The following DPY19L1 variants were observed in gnomAD, a reference collection of about 807,000 sequenced individuals.
The protein encoded by DPY19L1 is protein C-mannosyl-transferase DPY19L1.
DPY19L1 carries 35 observed loss-of-function variants against 96.9 expected under a neutral mutation model. The observed-to-expected ratio is 0.36, with a 90% CI of 0.28 to 0.48. The LOEUF (loss-of-function observed/expected upper bound fraction) is 0.48, where lower values mean the gene tolerates loss of function less well. Ranked by LOEUF, DPY19L1 falls within the 20% of genes least tolerant of loss-of-function variation. The pLI, the probability that DPY19L1 is intolerant of heterozygous loss-of-function variation, is 0.99. For missense variants in DPY19L1, 521 were observed against 777.9 expected, an observed-to-expected ratio of 0.67 and a Z score of 3.93; for synonymous variants, 205 against 252.6, an observed-to-expected ratio of 0.81 and a Z score of 1.79.
At chr7:35,025,916 T>C (rs935936182) in intron 1 of DPY19L1, among the ~76,000 whole-genome samples, 4 of 152,188 alleles carry the variant, frequency 2.6e-5, no homozygotes, top group African/African-American at 9.7e-5. Flanking sequence ...AGCACTGACA[T>C]TGGTCAACAG....
intron 20 of DPY19L1, chr7:34,939,032 T>C (rs1783934212): frequency 5.3e-6 from 2 of 375,494 alleles, no homozygotes; most frequent in Non-Finnish European, 4.7e-6. Context: ...AGTGCTATAG[T>C]ATGACTTCGT....
At chr7:34,943,243 CA>C (rs1191754122) in intron 16 of DPY19L1, among the ~76,000 whole-genome samples, 1 of 152,190 alleles carries the variant, frequency 6.6e-6, no homozygotes, top group African/African-American at 2.4e-5. Flanking sequence ...TTAGCAAACT[CA>C]GGACACATAA....
chr7:35,022,658 AGCAC>A (rs1267844001), intron 1 of DPY19L1, among the ~76,000 whole-genome samples: 1 of 152,236 alleles, frequency 6.6e-6, no homozygotes, highest in Non-Finnish European at 1.5e-5. Flanking sequence ...CACAAAGCTG[AGCAC>A]GCTCAAGTGT....
At chr7:34,973,718 T>C (rs1292662323) in intron 7 of DPY19L1, 113 bp from the exon 8 acceptor site, 1 of 520,580 alleles carries the variant, frequency 1.9e-6, no homozygotes, top group Non-Finnish European at 3.0e-6. Context: ...AAACGGTGTG[T>C]TGTAAAACAA....
At chr7:34,990,909 T>C (rs1445660636) in intron 6 of DPY19L1, among the ~76,000 whole-genome samples, 1 of 152,170 alleles carries the variant, frequency 6.6e-6, no homozygotes, top group African/African-American at 2.4e-5. Context: ...CCAGATGGTA[T>C]AGGCATCAAA....
Position 34,931,314 on chromosome 7 carries a change from A to G in DPY19L1, c.*259T>C. 2 of 297,380 alleles carry G rather than the reference A, an allele frequency of 6.7e-6. No homozygotes were observed. The highest frequency in any genetic ancestry group is 6.0e-6 in the Non-Finnish European group (1 of 167,516). The allele number at this position is 297,380 out of a possible 1,614,324, so 18.4% of individuals were successfully genotyped here. On this transcript the variant is annotated 3_prime_UTR_variant, in exon 22 of 22. Coordinates refer to ENST00000638088, the MANE Select transcript of DPY19L1 (RefSeq NM_001366673.1). ...TTATACAGGTAGCTTTGCTCACTTT[A>G]GCACAAATATTAAAGTCAAGTACAA...
chr7:34,972,634 G>A (rs1464141647), intron 8 of DPY19L1, among the ~76,000 whole-genome samples: 1 of 152,178 alleles, frequency 6.6e-6, no homozygotes, highest in Admixed American at 6.5e-5. Flanking sequence ...AGATGTTTGA[G>A]AAGGGACCAT....
chr7:34,963,744 C>G (rs1784554033), intron 10 of DPY19L1, among the ~76,000 whole-genome samples: 1 of 151,770 alleles, frequency 6.6e-6, no homozygotes, highest in Non-Finnish European at 1.5e-5. Flanking sequence ...ACACCATGGA[C>G]TATTATTTAG....
At chr7:35,024,611 C>T (rs751666364) in intron 1 of DPY19L1, among the ~76,000 whole-genome samples, 1 of 152,158 alleles carries the variant, frequency 6.6e-6, no homozygotes, top group Non-Finnish European at 1.5e-5. Context: ...CAGTCAATCC[C>T]ACCACACACC....
intron 6 of DPY19L1, among the ~76,000 whole-genome samples, chr7:34,992,543 CTT>C (rs34687334): frequency 0.012 from 1,617 of 133,764 alleles, 25 homozygotes; most frequent in African/African-American, 0.04. Flanking sequence ...ACCTTCCTGC[CTT>C]TTTTTTTTTT....
At chr7:34,955,472 T>G in intron 11 of DPY19L1, 105 bp from the exon 12 acceptor site, 1 of 1,441,312 alleles carries the variant, frequency 6.9e-7, no homozygotes, top group South Asian at 1.3e-5. Flanking sequence ...TATCTAAAAT[T>G]TAGCACATGG....
chr7:35,017,129 AG>A (rs1785869661), intron 3 of DPY19L1, among the ~76,000 whole-genome samples: 1 of 152,178 alleles, frequency 6.6e-6, no homozygotes, highest in African/African-American at 2.4e-5. Flanking sequence ...GTTAAAACAA[AG>A]TCTTATCTTT....
At chr7:35,006,751 C>T (rs1218959368) in intron 6 of DPY19L1, among the ~76,000 whole-genome samples, 4 of 152,206 alleles carry the variant, frequency 2.6e-5, no homozygotes, top group African/African-American at 9.7e-5. Flanking sequence ...GCTTGGCAGC[C>T]TGGCTCCATT....
At chr7:34,953,505 G>A (rs1403884354) in intron 13 of DPY19L1, among the ~76,000 whole-genome samples, 1 of 152,058 alleles carries the variant, frequency 6.6e-6, no homozygotes, top group African/African-American at 2.4e-5. Context: ...CTCATCCTCA[G>A]AGCTGACTTC....
chr7:35,008,038 A>T (rs1480659456), intron 6 of DPY19L1, among the ~76,000 whole-genome samples: 1 of 151,982 alleles, frequency 6.6e-6, no homozygotes, highest in African/African-American at 2.4e-5. Flanking sequence ...TCTGCTTATT[A>T]CCTGCTTTCC....
At chr7:35,032,731 C>A (rs577555095) in intron 1 of DPY19L1, among the ~76,000 whole-genome samples, 29 of 152,246 alleles carry the variant, frequency 1.9e-4, no homozygotes, top group Non-Finnish European at 4.1e-4. Context: ...ATCCATACCC[C>A]TAGTCTTCAC....
At chr7:35,036,519 A>C (rs1786404566) in intron 1 of DPY19L1, among the ~76,000 whole-genome samples, 1 of 152,016 alleles carries the variant, frequency 6.6e-6, no homozygotes, top group African/African-American at 2.4e-5. Flanking sequence ...AGGGAGGATT[A>C]AGGCTCGGGC....
At chr7:34,942,203 G>A (rs1383707735) in intron 17 of DPY19L1, among the ~76,000 whole-genome samples, 2 of 152,204 alleles carry the variant, frequency 1.3e-5, no homozygotes, top group African/African-American at 4.8e-5. Context: ...AATGACTGCT[G>A]CCTCAAGATC....
At chr7:34,973,864 T>TA (rs1784779497) in intron 7 of DPY19L1, among the ~76,000 whole-genome samples, 1 of 152,092 alleles carries the variant, frequency 6.6e-6, no homozygotes, top group South Asian at 2.1e-4. Context: ...AAGATGCAAC[T>TA]ACATCTTAAA....
Sources: gnomAD v4.1 joint callset for allele counts (sites outside exome capture counted in the v4.1 genomes callset) on GRCh38, gnomAD v4.1.1 for gene constraint, MANE v1.5 for transcripts, NCBI Gene and HGNC (gene_info 2026-07-23, HGNC 2026-07-21) for gene names.